The following TAFA4 variants were observed in gnomAD, a reference collection of about 807,000 sequenced individuals.
TAFA4 encodes chemokine-like protein TAFA-4.
A neutral mutation model predicts 21.1 loss-of-function variants in TAFA4; 20 were observed. That is an observed-to-expected ratio of 0.95 (90% CI 0.67 to 1.38). The LOEUF (loss-of-function observed/expected upper bound fraction) is 1.38. TAFA4 is among the 40% of genes most tolerant of loss of function. The probability of loss-of-function intolerance (pLI) is 0.00; values close to 1 mark genes in which losing one functional copy is unlikely to be tolerated. For synonymous variants in TAFA4, 71 were observed against 67.4 expected, an observed-to-expected ratio of 1.05 and a Z score of -0.26; for missense variants, 211 against 180.9, an observed-to-expected ratio of 1.17 and a Z score of -0.95.
At chr3:68,909,039 T>C (rs2089930324) in intron 1 of TAFA4, among the ~76,000 whole-genome samples, 2 of 152,220 alleles carry the variant, frequency 1.3e-5, no homozygotes, top group African/African-American at 4.8e-5. Context: ...GCTGAGGAAC[T>C]GAATTTTTAG....
chr3:68,770,637 C>A (rs1006534878), intron 3 of TAFA4, among the ~76,000 whole-genome samples: 1 of 152,140 alleles, frequency 6.6e-6, no homozygotes, highest in African/African-American at 2.4e-5. Context: ...CCAGATTATC[C>A]TTCATACATT....
intron 3 of TAFA4, among the ~76,000 whole-genome samples, chr3:68,850,999 C>T (rs1337186822): frequency 6.6e-6 from 1 of 152,040 alleles, no homozygotes; most frequent in East Asian, 1.9e-4. Flanking sequence ...TGGGTATATG[C>T]TCAAGGGAAT....
intron 3 of TAFA4, among the ~76,000 whole-genome samples, chr3:68,880,385 G>T (rs1399091887): frequency 6.6e-6 from 1 of 151,230 alleles, no homozygotes; most frequent in Admixed American, 6.6e-5. Flanking sequence ...GGAAGCTGCA[G>T]GAGTGGATGG....
intron 3 of TAFA4, among the ~76,000 whole-genome samples, chr3:68,826,594 T>C (rs1704246026): frequency 6.8e-6 from 1 of 147,678 alleles, no homozygotes; most frequent in Non-Finnish European, 1.5e-5. Context: ...AAAAAAAGGT[T>C]AACTCAGAAA....
intron 1 of TAFA4, among the ~76,000 whole-genome samples, chr3:68,927,798 TGAAGCA>T (rs2090122704): frequency 6.6e-6 from 1 of 151,046 alleles, no homozygotes; most frequent in Non-Finnish European, 1.5e-5. Flanking sequence ...CTCAGGAGGG[TGAAGCA>T]GAAGGATTGC....
chr3:68,739,053 G>T, intron 5 of TAFA4, 22 bp downstream of exon 5: 1 of 1,611,200 alleles, frequency 6.2e-7, no homozygotes, highest in Non-Finnish European at 8.5e-7. Flanking sequence ...GTAAATTGTA[G>T]TTGCATTTTG....
chr3:68,921,942 T>C (rs1456892037), intron 1 of TAFA4, among the ~76,000 whole-genome samples: 2 of 152,150 alleles, frequency 1.3e-5, no homozygotes, highest in African/African-American at 4.8e-5. Flanking sequence ...CATCTTATGC[T>C]CTAAAAGAAA....
At chr3:68,831,066 T>G (rs1235587416) in intron 3 of TAFA4, among the ~76,000 whole-genome samples, 3 of 152,234 alleles carry the variant, frequency 2.0e-5, no homozygotes, top group Non-Finnish European at 4.4e-5. Context: ...CCTCTTTATT[T>G]TGAGCCTATG....
chr3:68,829,227 G>T (rs1038612094), intron 3 of TAFA4, among the ~76,000 whole-genome samples: 3 of 152,080 alleles, frequency 2.0e-5, no homozygotes, highest in African/African-American at 7.2e-5. Context: ...CAGGACAGAG[G>T]CCTCAGAAAT....
At chr3:68,762,364 G>T (rs1248448823) in intron 3 of TAFA4, among the ~76,000 whole-genome samples, 1 of 152,166 alleles carries the variant, frequency 6.6e-6, no homozygotes, top group Non-Finnish European at 1.5e-5. Flanking sequence ...CAATAGGATA[G>T]ACAGATGTTA....
intron 1 of TAFA4, among the ~76,000 whole-genome samples, chr3:68,889,695 A>G (rs1423791111): frequency 6.6e-6 from 1 of 152,242 alleles, no homozygotes. Context: ...TCTAACTATG[A>G]GGAAAATCAG....
chr3:68,817,308 A>G (rs1355111498), intron 3 of TAFA4, among the ~76,000 whole-genome samples: 1 of 152,194 alleles, frequency 6.6e-6, no homozygotes, highest in Non-Finnish European at 1.5e-5. Flanking sequence ...GAAATTCAGT[A>G]ACATCTTCAG....
intron 3 of TAFA4, among the ~76,000 whole-genome samples, chr3:68,784,877 G>A (rs968821740): frequency 6.6e-6 from 1 of 152,142 alleles, no homozygotes; most frequent in Non-Finnish European, 1.5e-5. Context: ...GCTAGATACA[G>A]AGTTTGGTCC....
At chr3:68,927,263 C>G (rs2090116992) in intron 1 of TAFA4, among the ~76,000 whole-genome samples, 1 of 152,076 alleles carries the variant, frequency 6.6e-6, no homozygotes, top group African/African-American at 2.4e-5. Flanking sequence ...GCAGACTTAT[C>G]AATATTTTCA....
chr3:68,904,016 C>T (rs2089871841), intron 1 of TAFA4, among the ~76,000 whole-genome samples: 1 of 151,096 alleles, frequency 6.6e-6, no homozygotes, highest in Non-Finnish European at 1.5e-5. Flanking sequence ...AAGGCATACA[C>T]CAGTCACAAA....
intron 3 of TAFA4, among the ~76,000 whole-genome samples, chr3:68,824,064 G>A (rs748872965): frequency 1.1e-4 from 16 of 152,156 alleles, no homozygotes; most frequent in Non-Finnish European, 2.1e-4. Context: ...ATGCCACAGT[G>A]ATCATACCCA....
At chr3:68,780,561 CTCAT>C (rs1158110034) in intron 3 of TAFA4, among the ~76,000 whole-genome samples, 1 of 152,218 alleles carries the variant, frequency 6.6e-6, no homozygotes, top group Non-Finnish European at 1.5e-5. Flanking sequence ...CACAAGCTCT[CTCAT>C]TCTCTCTTTG....
chr3:68,824,543 T>C (rs1411978822), intron 3 of TAFA4, among the ~76,000 whole-genome samples: 1 of 152,182 alleles, frequency 6.6e-6, no homozygotes, highest in Non-Finnish European at 1.5e-5. Context: ...CTAGGATCAT[T>C]TCCCCATCTC....
chr3:68,785,596 C>T (rs1025632560), intron 3 of TAFA4, among the ~76,000 whole-genome samples: 1 of 152,252 alleles, frequency 6.6e-6, no homozygotes, highest in Non-Finnish European at 1.5e-5. Context: ...ACCTGGAACT[C>T]GCGCTAGCCC....
Sources: gnomAD v4.1 joint callset for allele counts (sites outside exome capture counted in the v4.1 genomes callset) on GRCh38, gnomAD v4.1.1 for gene constraint, MANE v1.5 for transcripts, NCBI Gene and HGNC (gene_info 2026-07-23, HGNC 2026-07-21) for gene names.